Variants in HEATR5A observed in about 807,000 individuals in gnomAD.
The protein encoded by HEATR5A is HEAT repeat-containing protein 5A.
HEATR5A carries 178 observed loss-of-function variants against 218.8 expected under a neutral mutation model. The ratio of observed to expected loss-of-function variants is 0.81; its 90% CI spans 0.72 to 0.92. HEATR5A has a LOEUF of 0.92. HEATR5A is among the 40% of genes least tolerant of loss of function. The pLI is 0.00. For missense variants in HEATR5A, 2,420 were observed against 2,418.9 expected (o/e 1.00, Z -0.01); for synonymous variants, 864 against 871.6 (o/e 0.99, Z 0.15).
At chr14:31,343,583 G>A (rs74495889) in intron 21 of HEATR5A, among the ~76,000 whole-genome samples, 4,635 of 152,184 alleles carry the variant, frequency 0.03, 220 homozygotes, top group African/African-American at 0.1. Flanking sequence ...ACCACATAGA[G>A]TTTTGCATGT....
chr14:31,302,516 C>T lies in HEATR5A; in HGVS notation c.5243G>A (p.Ser1748Asn), dbSNP rs928154023. ...CAATATAGTAGGGAGAATTGAGATGCTTCCTGTAAGATACATTTTTTAAAA... is the reference window on the plus strand; with the variant it reads ...CAATATAGTAGGGAGAATTGAGATGTTTCCTGTAAGATACATTTTTTAAAA... Reference protein sequence around the residue: ...ELPAVCSPEGSISILPTILYL... With the variant: ...ELPAVCSPEGNISILPTILYL... The change falls in exon 33 of 36, where the codon AGC becomes AAC. Residue 1748 changes from serine (S) to asparagine (N), a missense_variant. Transcript: ENST00000543095. 1 of 1,559,782 alleles carries T rather than the reference C, an allele frequency of 6.4e-7. No homozygotes were observed. Among genetic ancestry groups the T allele is most frequent in the Admixed American group, 1.9e-5 (1 of 53,020 alleles).
At chr14:31,408,684 T>C (rs1004571883) in intron 1 of HEATR5A, among the ~76,000 whole-genome samples, 12 of 151,906 alleles carry the variant, frequency 7.9e-5, no homozygotes, top group Non-Finnish European at 1.2e-4. Context: ...TGCATAGTAT[T>C]CTTTCCTTTC....
At chr14:31,348,393 T>C (rs1331899437) in intron 18 of HEATR5A, among the ~76,000 whole-genome samples, 1 of 151,764 alleles carries the variant, frequency 6.6e-6, no homozygotes, top group Non-Finnish European at 1.5e-5. Context: ...CTGGACAACA[T>C]AATGAGACCC....
intron 22 of HEATR5A, among the ~76,000 whole-genome samples, chr14:31,336,209 CATACATACATATATATATATATAT>C (rs1274742633): frequency 8.5e-4 from 49 of 57,582 alleles, no homozygotes; most frequent in South Asian, 2.3e-3. Flanking sequence ...TTTATATATA[CATACATACATATATATATATATAT>C]ATATATATAT....
chr14:31,326,512 T>C (rs1344343422), intron 22 of HEATR5A, among the ~76,000 whole-genome samples, 170 bp from the exon 23 acceptor site: 1 of 152,240 alleles, frequency 6.6e-6, no homozygotes, highest in Non-Finnish European at 1.5e-5. Flanking sequence ...CACTTGAATT[T>C]TGGGATTTAT....
intron 35 of HEATR5A, 85 bp downstream of exon 35, chr14:31,293,806 A>G (rs1899092545): frequency 8.5e-7 from 1 of 1,170,310 alleles, no homozygotes; most frequent in Non-Finnish European, 1.2e-6. Context: ...TACAGATATA[A>G]TGTGACTGAT....
At chr14:31,391,694 T>C (rs1414423688) in intron 6 of HEATR5A, among the ~76,000 whole-genome samples, 1 of 152,230 alleles carries the variant, frequency 6.6e-6, no homozygotes, top group Non-Finnish European at 1.5e-5. Flanking sequence ...GTTCCAGTCA[T>C]GGTCAGTGCC....
chr14:31,371,109 C>A lies in HEATR5A; in HGVS notation c.1961+701G>T, dbSNP rs564862306. ...ACACAGCCACATTCATTCATTCATT[C>A]ATTCATTCACCTATTATCCGTGACT... On this transcript the variant is annotated intron_variant, in intron 13 of 35. Coordinates refer to ENST00000543095, the MANE Select transcript of HEATR5A (RefSeq NM_015473.4). Among the ~76,000 whole-genome samples the A allele has an allele frequency of 2.6e-5, 4 of 152,280 alleles. 1 individual carries two copies. In the South Asian group the frequency reaches 6.2e-4, roughly 24 times the overall value.
At chr14:31,327,464 T>C (rs145681092) in intron 22 of HEATR5A, among the ~76,000 whole-genome samples, 4,364 of 151,730 alleles carry the variant, frequency 0.029, 102 homozygotes, top group Admixed American at 0.056. Flanking sequence ...CTGCTAATTT[T>C]TGTATTTTTA....
intron 11 of HEATR5A, among the ~76,000 whole-genome samples, chr14:31,377,986 TTAGCTTG>T (rs1205135935): frequency 6.6e-6 from 1 of 152,230 alleles, no homozygotes; most frequent in African/African-American, 2.4e-5. Flanking sequence ...TCCAACACAA[TTAGCTTG>T]TTTTAAAAGC....
intron 23 of HEATR5A, 109 bp from the exon 24 acceptor site, chr14:31,323,913 A>G: frequency 1.5e-6 from 1 of 683,612 alleles, no homozygotes; most frequent in Non-Finnish European, 2.4e-6. Flanking sequence ...TTGCTCAACT[A>G]TCAATTGCTA....
At chr14:31,303,163 A>G (rs1352736584) in intron 32 of HEATR5A, among the ~76,000 whole-genome samples, 4 of 152,052 alleles carry the variant, frequency 2.6e-5, no homozygotes, top group Non-Finnish European at 5.9e-5. Flanking sequence ...GGCTGAGTGC[A>G]GTGGCTCATG....
chr14:31,294,323 A>G (rs1899107300), intron 34 of HEATR5A, among the ~76,000 whole-genome samples: 1 of 152,098 alleles, frequency 6.6e-6, no homozygotes, highest in South Asian at 2.1e-4. Context: ...ACAGGGAAGC[A>G]AAGCTGAGTG....
At chr14:31,393,303 A>C (rs2030524486) in intron 6 of HEATR5A, among the ~76,000 whole-genome samples, 1 of 152,198 alleles carries the variant, frequency 6.6e-6, no homozygotes, top group African/African-American at 2.4e-5. Context: ...TGAGCTCAGG[A>C]GTTCGAGACC....
chr14:31,294,660 C>T (rs191272933), intron 34 of HEATR5A, among the ~76,000 whole-genome samples: 80 of 152,164 alleles, frequency 5.3e-4, no homozygotes, highest in Non-Finnish European at 9.3e-4. Context: ...ATCCACCTGC[C>T]TTGGCCTCCC....
At position 31,418,165 on chromosome 14, in the gene HEATR5A, C is replaced by T. The variant is rs572633105; in HGVS notation, c.-75+2307G>A. ...AGAGCTTGCAAGTGAGCCAAGATCG[C>T]GCCACTGCACTCCAGCCTGGGCTAC... On this transcript the variant is annotated intron_variant, in intron 1 of 35. Coordinates refer to ENST00000543095, the MANE Select transcript of HEATR5A (RefSeq NM_015473.4). Among the ~76,000 whole-genome samples the T allele has an allele frequency of 6.6e-5, 10 of 152,204 alleles. No homozygotes were observed. The South Asian group carries it at 1.5e-3, about 22-fold the overall frequency.
chr14:31,329,790 G>A (rs143470107), intron 22 of HEATR5A, among the ~76,000 whole-genome samples: 9 of 152,204 alleles, frequency 5.9e-5, no homozygotes, highest in East Asian at 5.8e-4. Flanking sequence ...TCGGCTCACC[G>A]CAACCTCCAC....
chr14:31,414,213 T>C (rs983971458), intron 1 of HEATR5A, among the ~76,000 whole-genome samples: 1 of 152,154 alleles, frequency 6.6e-6, no homozygotes, highest in Non-Finnish European at 1.5e-5. Context: ...TTCTTGTATC[T>C]CCCACCACAC....
chr14:31,411,156 ATTAT>A (rs201740989), intron 1 of HEATR5A, among the ~76,000 whole-genome samples: 1,564 of 152,236 alleles, frequency 0.01, 22 homozygotes, highest in African/African-American at 0.035. Context: ...AGAAAAAAAT[ATTAT>A]TTATCAGAGG....
Sources: allele counts gnomAD v4.1 joint callset (sites outside exome capture counted in the v4.1 genomes callset), GRCh38; gene constraint gnomAD v4.1.1; transcripts MANE v1.5; gene names NCBI Gene and HGNC (gene_info 2026-07-23, HGNC 2026-07-21).